The following TXNL4A variants were observed in gnomAD, a reference collection of about 807,000 sequenced individuals.
The protein encoded by TXNL4A is thioredoxin-like protein 4A.
In TXNL4A, 17 loss-of-function variants were observed where a neutral mutation model predicts 14.6. That is an observed-to-expected ratio of 1.16 (90% CI 0.80 to 1.74). The LOEUF (loss-of-function observed/expected upper bound fraction) is 1.74. Ranked by LOEUF, TXNL4A falls within the 40% of genes most tolerant of loss-of-function variation. The probability of loss-of-function intolerance (pLI) is 0.00; values close to 1 mark genes in which losing one functional copy is unlikely to be tolerated. For synonymous variants in TXNL4A, 83 were observed against 70.6 expected (o/e 1.18, Z -0.88); for missense variants, 74 against 195.2 (o/e 0.38, Z 3.70).
intron 1 of TXNL4A, among the ~76,000 whole-genome samples, chr18:80,006,976 G>A (rs1356753569): frequency 6.6e-6 from 1 of 152,160 alleles, no homozygotes; most frequent in Non-Finnish European, 1.5e-5. Flanking sequence ...TGATGACAAA[G>A]AAAATGGAAG....
At chr18:80,031,227 T>C (rs2051918945) in intron 1 of TXNL4A, among the ~76,000 whole-genome samples, 1 of 152,360 alleles carries the variant, frequency 6.6e-6, no homozygotes, top group South Asian at 2.1e-4. Flanking sequence ...ACCCAGGACC[T>C]GTGGCCAAAC....
upstream of TXNL4A, among the ~76,000 whole-genome samples, chr18:79,989,014 G>A (rs2051603258): frequency 6.6e-6 from 1 of 152,240 alleles, no homozygotes; most frequent in African/African-American, 2.4e-5. Context: ...CCCAACCACA[G>A]CAGAGTCGAG....
intron 2 of TXNL4A, 39 bp downstream of exon 2, chr18:79,977,559 A>G (rs545058138): frequency 6.9e-7 from 1 of 1,457,956 alleles, no homozygotes; most frequent in Non-Finnish European, 9.5e-7. Flanking sequence ...TTCCAAACTG[A>G]CAATATTCAA....
At chr18:80,028,595 A>AG (rs35769316) in intron 1 of TXNL4A, among the ~76,000 whole-genome samples, 116,294 of 152,008 alleles carry the variant, frequency 0.77, 45,184 homozygotes, top group East Asian at 0.91. Context: ...TTAAGAGGAG[A>AG]GATGGAAATT....
chr18:79,987,807 C>T (rs1489474500), intron 1 of TXNL4A, among the ~76,000 whole-genome samples: 2 of 152,204 alleles, frequency 1.3e-5, no homozygotes, highest in African/African-American at 2.4e-5. Flanking sequence ...CACAGAAAAG[C>T]AGGATTTCTC....
intron 1 of TXNL4A, among the ~76,000 whole-genome samples, chr18:80,003,780 C>A (rs939212019): frequency 4.6e-5 from 7 of 152,106 alleles, no homozygotes; most frequent in African/African-American, 1.4e-4. Context: ...GCTGGGGAGG[C>A]CTCAGGAAAT....
intron 1 of TXNL4A, among the ~76,000 whole-genome samples, chr18:80,033,476 G>A (rs1331716111): frequency 6.6e-6 from 1 of 152,240 alleles, no homozygotes; most frequent in African/African-American, 2.4e-5. Context: ...CTTCTGGGGA[G>A]GACGCCCAAT....
At chr18:79,983,897 G>A (rs1261394302) in intron 1 of TXNL4A, among the ~76,000 whole-genome samples, 1 of 152,106 alleles carries the variant, frequency 6.6e-6, no homozygotes, top group Non-Finnish European at 1.5e-5. Context: ...CGCTCATGCA[G>A]TTATGAAGTG....
intron 1 of TXNL4A, among the ~76,000 whole-genome samples, chr18:80,033,408 G>A (rs1254724013): frequency 6.6e-6 from 1 of 152,202 alleles, no homozygotes; most frequent in Non-Finnish European, 1.5e-5. Context: ...CACGCCCGGG[G>A]GGAGCAGCTT....
rs1275620575 is a variant in TXNL4A, at chr18:79,988,456, C to T, written c.-64G>A. On this transcript the variant is annotated 5_prime_UTR_variant, in exon 1 of 3. Transcript: ENST00000269601. ...CAGGGAGGGCCCAGCGAGGTGGGCT[C>T]AGCCGGCCCCTCACTCCCCGGCCCC... 7.8e-6 allele frequency: 10 copies of T among 1,286,810 alleles called. No individual in the cohort carries two copies. Among genetic ancestry groups the T allele is most frequent in the South Asian group, 2.3e-5 (1 of 43,378 alleles). The allele number at this position is 1,286,810 out of a possible 1,614,324, so 79.7% of individuals were successfully genotyped here.
chr18:80,022,480 T>C (rs1387437912), intron 1 of TXNL4A, among the ~76,000 whole-genome samples: 2 of 152,192 alleles, frequency 1.3e-5, no homozygotes, highest in African/African-American at 4.8e-5. Flanking sequence ...AGAAAAGTTT[T>C]AGTTGTTGAA....
chr18:80,003,105 C>T (rs1288920481), intron 1 of TXNL4A, among the ~76,000 whole-genome samples: 3 of 152,244 alleles, frequency 2.0e-5, no homozygotes, highest in African/African-American at 7.2e-5. Context: ...AGCTTACGCA[C>T]TGACTGCGGC....
intron 1 of TXNL4A, among the ~76,000 whole-genome samples, chr18:80,024,649 G>C (rs1264263768): frequency 6.6e-6 from 1 of 152,166 alleles, no homozygotes; most frequent in Non-Finnish European, 1.5e-5. Context: ...GGGTGTCTGG[G>C]AGAAACGCTC....
chr18:79,975,987 C>T (rs1035434143), intron 2 of TXNL4A, among the ~76,000 whole-genome samples: 1 of 152,178 alleles, frequency 6.6e-6, no homozygotes, highest in Non-Finnish European at 1.5e-5. Context: ...AGCCACGCAA[C>T]CTTTGCTGAA....
chr18:80,016,727 T>C (rs1288742281), intron 1 of TXNL4A, among the ~76,000 whole-genome samples: 2 of 151,496 alleles, frequency 1.3e-5, no homozygotes, highest in Admixed American at 6.6e-5. Flanking sequence ...TCTATATCTC[T>C]GTTTTGGTAC....
chr18:79,995,179 T>C (rs3893907), intron 1 of TXNL4A: 120,761 of 152,166 alleles, frequency 0.79, 48,513 homozygotes, highest in East Asian at 0.91. Context: ...ATTATCAGAA[T>C]CTATGACCCG....
chr18:80,019,752 ATGGTTCTTTTCCTC>A (rs1342154548), intron 1 of TXNL4A, among the ~76,000 whole-genome samples: 1 of 152,224 alleles, frequency 6.6e-6, no homozygotes, highest in African/African-American at 2.4e-5. Flanking sequence ...TTTCCCAAGT[ATGGTTCTTTTCCTC>A]TGCTTTTAAA....
chr18:79,996,864 A>C (rs1202678285), intron 1 of TXNL4A, among the ~76,000 whole-genome samples: 4 of 152,134 alleles, frequency 2.6e-5, no homozygotes, highest in African/African-American at 9.7e-5. Flanking sequence ...AATCACTTGA[A>C]CCCAGGAGGC....
At chr18:79,990,996 T>A (rs2051624072), upstream of TXNL4A, among the ~76,000 whole-genome samples, 1 of 150,968 alleles carries the variant, frequency 6.6e-6, no homozygotes, top group South Asian at 2.1e-4. Flanking sequence ...TAGTCCCAGC[T>A]ACTCGGGAGG....
Sources: allele counts gnomAD v4.1 joint callset (sites outside exome capture counted in the v4.1 genomes callset), GRCh38; gene constraint gnomAD v4.1.1; transcripts MANE v1.5; gene names NCBI Gene and HGNC (gene_info 2026-07-23, HGNC 2026-07-21).